The following CAST variants were observed in gnomAD, a reference collection of about 807,000 sequenced individuals.
The protein encoded by CAST is calpastatin.
In CAST, 76 loss-of-function variants were observed where a neutral mutation model predicts 119.6. The observed-to-expected ratio is 0.64, with a 90% confidence interval of 0.53 to 0.77. The LOEUF is 0.77. Among genes scored for constraint, CAST ranks in the 30% least tolerant of loss-of-function variants. The pLI is 0.00. For missense variants in CAST, 953 were observed against 946.5 expected, an observed-to-expected ratio of 1.01 and a Z score of -0.09; for synonymous variants, 319 against 331.6, an observed-to-expected ratio of 0.96 and a Z score of 0.41.
At chr5:96,130,021 C>CTTTTTTTTTTTT in the CAST span, among the ~76,000 whole-genome samples, 1 of 129,514 alleles carries the variant, frequency 7.7e-6, no homozygotes, top group African/African-American at 2.9e-5. Flanking sequence ...AACACACACA[C>CTTTTTTTTTTTT]TTTTTTTTTT....
the CAST span, among the ~76,000 whole-genome samples, chr5:96,502,458 T>G: frequency 6.6e-6 from 1 of 151,996 alleles, no homozygotes; most frequent in South Asian, 2.1e-4. Flanking sequence ...TTTAATTAAT[T>G]TTTTATTTCT....
chr5:96,733,420 A>G (rs1027370131), intron 9 of CAST, among the ~76,000 whole-genome samples: 1 of 152,236 alleles, frequency 6.6e-6, no homozygotes, highest in African/African-American at 2.4e-5. Flanking sequence ...TTTAAATGTA[A>G]TCAAAATTTA....
chr5:96,763,121 G>A (rs992364705), intron 25 of CAST: 20 of 779,288 alleles, frequency 2.6e-5, no homozygotes, highest in South Asian at 4.0e-5. Flanking sequence ...TAACTTTAGC[G>A]AAGTCAGCTA....
chr5:96,327,044 T>C, the CAST span, among the ~76,000 whole-genome samples: 10 of 152,180 alleles, frequency 6.6e-5, no homozygotes, highest in Non-Finnish European at 1.5e-4. Context: ...GAGCATATCA[T>C]GGGCAAGGGG....
At chr5:96,116,585 G>A in the CAST span, among the ~76,000 whole-genome samples, 3 of 152,294 alleles carry the variant, frequency 2.0e-5, no homozygotes, top group Admixed American at 6.5e-5. Context: ...GATATTGTCA[G>A]TCTTTTTAAC....
chr5:96,695,987 GCAAA>G (rs1753245266), intron 3 of CAST, 80 bp downstream of exon 3: 1 of 836,552 alleles, frequency 1.2e-6, no homozygotes, highest in East Asian at 2.6e-5. Context: ...TGTAGGAATG[GCAAA>G]CAGTGTCCAG....
chr5:96,115,582 G>A, the CAST span, among the ~76,000 whole-genome samples: 1 of 152,286 alleles, frequency 6.6e-6, no homozygotes, highest in Non-Finnish European at 1.5e-5. Context: ...ATAGCAGTCT[G>A]GTTCCAGAGT....
At chr5:95,963,551 T>A in the CAST span, among the ~76,000 whole-genome samples, 11,683 of 152,238 alleles carry the variant, frequency 0.077, 994 homozygotes, top group African/African-American at 0.21. Flanking sequence ...GTAGTAGAGA[T>A]ATTAAGGTAA....
chr5:96,708,549 G>A (rs1427969006), intron 3 of CAST, among the ~76,000 whole-genome samples: 1 of 152,078 alleles, frequency 6.6e-6, no homozygotes, highest in Non-Finnish European at 1.5e-5. Context: ...GGAGTGCAGT[G>A]GCACAATCAC....
chr5:96,465,134 A>AT, the CAST span, among the ~76,000 whole-genome samples: 25 of 151,378 alleles, frequency 1.7e-4, no homozygotes, highest in Non-Finnish European at 2.8e-4. Flanking sequence ...CTTTTGGCAG[A>AT]TTTTTTTTCT....
the CAST span, among the ~76,000 whole-genome samples, chr5:96,259,007 G>T: frequency 6.6e-6 from 1 of 152,210 alleles, no homozygotes; most frequent in Non-Finnish European, 1.5e-5. Flanking sequence ...GCTGGGAAAA[G>T]TTAATGGAAG....
chr5:96,742,784 G>T, intron 16 of CAST, 28 bp downstream of exon 16: 1 of 1,512,142 alleles, frequency 6.6e-7, no homozygotes, highest in Middle Eastern at 1.7e-4. Flanking sequence ...GATTTACAAA[G>T]CTTGTTAGTC....
the CAST span, among the ~76,000 whole-genome samples, chr5:96,337,620 C>A: frequency 6.6e-6 from 1 of 152,210 alleles, no homozygotes; most frequent in Non-Finnish European, 1.5e-5. Flanking sequence ...TTCTGTAATG[C>A]AGGTAGCCAC....
chr5:96,270,136 A>G, the CAST span, among the ~76,000 whole-genome samples: 1 of 152,234 alleles, frequency 6.6e-6, no homozygotes, highest in Admixed American at 6.5e-5. Flanking sequence ...CCTGGAACAA[A>G]AACCGTATAA....
the CAST span, among the ~76,000 whole-genome samples, chr5:96,299,327 G>T: frequency 6.6e-6 from 1 of 152,068 alleles, no homozygotes; most frequent in African/African-American, 2.4e-5. Flanking sequence ...TTCATTAGCT[G>T]GATCTGGGAT....
the CAST span, among the ~76,000 whole-genome samples, chr5:96,381,359 C>T: frequency 6.6e-6 from 1 of 152,138 alleles, no homozygotes; most frequent in East Asian, 1.9e-4. Context: ...AATCCACAAA[C>T]AAAAACCCTT....
intron 1 of CAST, among the ~76,000 whole-genome samples, chr5:96,536,089 G>A (rs1251009147): frequency 7.1e-6 from 1 of 140,114 alleles, no homozygotes; most frequent in African/African-American, 2.7e-5. Context: ...TGGGTGCAGT[G>A]GCTCAGGCCT....
the CAST span, among the ~76,000 whole-genome samples, chr5:96,467,108 C>T: frequency 1.3e-5 from 2 of 151,990 alleles, no homozygotes; most frequent in East Asian, 3.9e-4. Flanking sequence ...TTTTTATTTG[C>T]ACAAGAGCTA....
At chr5:96,297,171 G>A in the CAST span, among the ~76,000 whole-genome samples, 1 of 152,162 alleles carries the variant, frequency 6.6e-6, no homozygotes, top group Non-Finnish European at 1.5e-5. Context: ...TCACTGATGT[G>A]TAGCATTTGA....
Sources: gnomAD v4.1 joint callset for allele counts (sites outside exome capture counted in the v4.1 genomes callset) on GRCh38, gnomAD v4.1.1 for gene constraint, MANE v1.5 for transcripts, NCBI Gene and HGNC (gene_info 2026-07-23, HGNC 2026-07-21) for gene names.